Variants in EPC1 observed in about 807,000 individuals in gnomAD.
The protein encoded by EPC1 is enhancer of polycomb 1, also known as enhancer of polycomb homolog 1.
A neutral mutation model predicts 98.4 loss-of-function variants in EPC1; 12 were observed. The observed-to-expected ratio is 0.12, with a 90% CI of 0.08 to 0.20. The LOEUF (loss-of-function observed/expected upper bound fraction) is 0.20, where lower values mean the gene tolerates loss of function less well. Ranked by LOEUF, EPC1 falls within the 10% of genes least tolerant of loss-of-function variation. The pLI is 1.00. For synonymous variants in EPC1, 357 were observed against 363.9 expected, an observed-to-expected ratio of 0.98 and a Z score of 0.21; for missense variants, 729 against 990.5, an observed-to-expected ratio of 0.74 and a Z score of 3.54.
chr10:32,309,493 CTTTT>C (rs67775039), intron 1 of EPC1, among the ~76,000 whole-genome samples: 1 of 142,440 alleles, frequency 7.0e-6, no homozygotes. Flanking sequence ...TATTTTCAAG[CTTTT>C]TTTTTTTTTT....
intron 1 of EPC1, among the ~76,000 whole-genome samples, chr10:32,326,925 GAA>G (rs1837313933): frequency 7.1e-6 from 1 of 140,930 alleles, no homozygotes. Flanking sequence ...GAGAAAAAAA[GAA>G]CTCTCACACA....
upstream of EPC1, among the ~76,000 whole-genome samples, chr10:32,351,666 GA>G (rs955356806): frequency 6.0e-5 from 9 of 150,810 alleles, no homozygotes; most frequent in East Asian, 2.0e-4. Flanking sequence ...CTTAAAAAAA[GA>G]AAAAAAATCA....
At chr10:32,291,495 C>T in intron 5 of EPC1, 173 bp from the exon 6 acceptor site, 2 of 525,834 alleles carry the variant, frequency 3.8e-6, no homozygotes, top group Non-Finnish European at 6.5e-6. Flanking sequence ...AAGATCTACT[C>T]TTAGCAAATT....
intron 1 of EPC1, among the ~76,000 whole-genome samples, chr10:32,341,504 A>G (rs993500063): frequency 2.0e-5 from 3 of 152,230 alleles, no homozygotes; most frequent in Admixed American, 2.0e-4. Context: ...TCTCGTTTAC[A>G]AAATTTAAGC....
chr10:32,283,413 C>T (rs540792922), intron 10 of EPC1: 1 of 152,256 alleles, frequency 6.6e-6, no homozygotes, highest in East Asian at 1.9e-4. Context: ...ACCTTCTGGG[C>T]TCCTACCACC....
intron 10 of EPC1, chr10:32,274,045 A>C (rs545182078): frequency 3.3e-5 from 5 of 152,062 alleles, no homozygotes; most frequent in Non-Finnish European, 7.4e-5. Flanking sequence ...AGTTCTAAAA[A>C]AAACAAACAA....
At chr10:32,337,540 C>T (rs1009404027) in intron 1 of EPC1, among the ~76,000 whole-genome samples, 4 of 152,318 alleles carry the variant, frequency 2.6e-5, no homozygotes, top group Admixed American at 2.0e-4. Context: ...GGAGCTGCCA[C>T]ATCTGTTTGG....
At chr10:32,292,397 A>G (rs1834900869) in intron 5 of EPC1, 99 bp downstream of exon 5, 1 of 854,964 alleles carries the variant, frequency 1.2e-6, no homozygotes, top group Non-Finnish European at 1.7e-6. Context: ...AAAAAAAGAT[A>G]TTTCTGTAAT....
intron 1 of EPC1, among the ~76,000 whole-genome samples, chr10:32,338,426 G>T (rs1453324641): frequency 6.6e-6 from 1 of 152,128 alleles, no homozygotes; most frequent in Admixed American, 6.5e-5. Flanking sequence ...GAATAATCTT[G>T]AAAAACCATT....
At chr10:32,294,387 T>C (rs1345402622) in intron 2 of EPC1, among the ~76,000 whole-genome samples, 1 of 152,252 alleles carries the variant, frequency 6.6e-6, no homozygotes, top group African/African-American at 2.4e-5. Context: ...ACATATACTT[T>C]ATATGCATAG....
intron 4 of EPC1, 136 bp from the exon 5 acceptor site, chr10:32,292,780 G>T: frequency 1.1e-6 from 1 of 912,396 alleles, no homozygotes. Flanking sequence ...AGATCACCAG[G>T]AAATCAATTT....
At chr10:32,305,703 T>C (rs1835838921) in intron 2 of EPC1, 69 bp downstream of exon 2, 7 of 1,353,410 alleles carry the variant, frequency 5.2e-6, no homozygotes, top group Non-Finnish European at 3.9e-6. Flanking sequence ...CCTGAAGAGA[T>C]AAAAATCTGT....
Position 32,363,114 on chromosome 10 carries a change from C to A in EPC1, c.3+15377G>T, listed in dbSNP as rs537402788. Among the ~76,000 whole-genome samples, 4 of 152,286 alleles carry A rather than the reference C, an allele frequency of 2.6e-5. No individual in the cohort carries two copies. The East Asian group carries it at 7.7e-4, about 29-fold the overall frequency. ...TGAGAGACAGGGTTTCACTCTGTCA[C>A]CTGGGCTAGAGTGCAGTGGCACAAT... On this transcript the variant is annotated intron_variant, in intron 1 of 13. Coordinates refer to the EPC1 transcript ENST00000375110.
At chr10:32,285,072 AAC>A (rs745985961) in intron 9 of EPC1, 22 bp from the exon 10 acceptor site, 9 of 1,570,028 alleles carry the variant, frequency 5.7e-6, no homozygotes, top group Middle Eastern at 1.7e-4. Context: ...TCAGACAAGA[AAC>A]AGTTATTTAA....
At chr10:32,335,472 C>T (rs896959143) in intron 1 of EPC1, among the ~76,000 whole-genome samples, 2 of 89,734 alleles carry the variant, frequency 2.2e-5, no homozygotes, top group African/African-American at 3.3e-5. Flanking sequence ...TACTCCCCAT[C>T]GCCCTTTCAA....
intron 1 of EPC1, among the ~76,000 whole-genome samples, chr10:32,355,607 C>CTTTTT (rs542748610): frequency 2.7e-5 from 2 of 72,848 alleles, no homozygotes; most frequent in African/African-American, 9.0e-5. Flanking sequence ...GTGCCTTACC[C>CTTTTT]TTTTTTTTTT....
chr10:32,306,857 A>AACAC lies in EPC1; in HGVS notation c.154-930_154-927dup, dbSNP rs3029539. On this transcript the variant is annotated intron_variant, in intron 1 of 13. Coordinates refer to ENST00000319778, the MANE Select transcript of EPC1 (RefSeq NM_001272004.3). Reference sequence around the variant, plus strand: ...TTTGGTATATGCCTTATTAAATTCAAACACACACACACACACACACACACA... The same window carrying AACAC: ...TTTGGTATATGCCTTATTAAATTCAAACACACACACACACACACACACACACACA... Among the ~76,000 whole-genome samples the AACAC allele has an allele frequency of 6.6e-3, 992 of 149,742 alleles. 8 individuals carry two copies. Among genetic ancestry groups the AACAC allele is most frequent in the South Asian group, 0.014 (66 of 4,720 alleles).
intron 1 of EPC1, among the ~76,000 whole-genome samples, chr10:32,353,223 A>G (rs1839176224): frequency 6.6e-6 from 1 of 152,008 alleles, no homozygotes; most frequent in Admixed American, 6.6e-5. Context: ...TCCCAGATTG[A>G]AGTGAAGTGC....
Position 32,312,663 on chromosome 10 carries a change from A to C in EPC1, c.154-6732T>G, listed in dbSNP as rs368228404. Among the ~76,000 whole-genome samples, 52 of 152,268 alleles carry C rather than the reference A, an allele frequency of 3.4e-4. No individual in the cohort carries two copies. In the South Asian group the frequency reaches 0.01, roughly 30 times the overall value. Reference sequence around the variant, plus strand: ...GTCCACTGCTGTTATCACCACCCTAAAATAGTGTTTGGAACAAAGCGGAGT... The same window carrying C: ...GTCCACTGCTGTTATCACCACCCTACAATAGTGTTTGGAACAAAGCGGAGT... On this transcript the variant is annotated intron_variant, in intron 1 of 13. Transcript: ENST00000319778.
Sources: allele counts gnomAD v4.1 joint callset (sites outside exome capture counted in the v4.1 genomes callset), GRCh38; gene constraint gnomAD v4.1.1; transcripts MANE v1.5; gene names NCBI Gene and HGNC (gene_info 2026-07-23, HGNC 2026-07-21).